SLC25A43: variants seen among roughly 807,000 people sequenced by gnomAD.
SLC25A43 encodes solute carrier family 25 member 43.
In SLC25A43, 10 loss-of-function variants were observed where a neutral mutation model predicts 22.8. The ratio of observed to expected loss-of-function variants is 0.44; its 90% CI spans 0.27 to 0.74. The LOEUF is 0.74. Among genes scored for constraint, SLC25A43 ranks in the 30% least tolerant of loss-of-function variants. SLC25A43 has a pLI of 0.17. For synonymous variants in SLC25A43, 106 were observed against 121.6 expected (o/e 0.87, Z 0.84); for missense variants, 233 against 279.1 (o/e 0.83, Z 1.18).
At chrX:119,419,570 A>G (rs961891004) in intron 3 of SLC25A43, among the ~76,000 whole-genome samples, 1 of 111,204 alleles carries the variant, frequency 9.0e-6, no homozygotes, top group Admixed American at 9.6e-5. Context: ...CCCCTCTTGT[A>G]GTTTTTCATG....
intron 3 of SLC25A43, among the ~76,000 whole-genome samples, chrX:119,425,168 G>T (rs1017617993): frequency 8.9e-6 from 1 of 112,090 alleles, no homozygotes; most frequent in Non-Finnish European, 1.9e-5. Context: ...TTGAGAAGCC[G>T]TAATGAGCAG....
intron 3 of SLC25A43, among the ~76,000 whole-genome samples, chrX:119,443,627 C>T (rs2052641101): frequency 9.0e-6 from 1 of 110,589 alleles, no homozygotes; most frequent in African/African-American, 3.3e-5. Flanking sequence ...ATTTCATGTT[C>T]TGTTTCTCAC....
chrX:119,444,928 A>G (rs984333989), intron 3 of SLC25A43, among the ~76,000 whole-genome samples: 2 of 104,631 alleles, frequency 1.9e-5, no homozygotes. Flanking sequence ...CCAGCTACTC[A>G]GGAGGTTGAG....
intron 3 of SLC25A43, among the ~76,000 whole-genome samples, chrX:119,443,448 CTTTTT>C (rs370848437): frequency 0.036 from 2,588 of 72,576 alleles, 108 homozygotes; most frequent in African/African-American, 0.13. Flanking sequence ...CTCTCTCTCT[CTTTTT>C]TTTTTTTTTT....
At chrX:119,428,952 C>T (rs914540341) in intron 3 of SLC25A43, among the ~76,000 whole-genome samples, 8 of 112,009 alleles carry the variant, frequency 7.1e-5, no homozygotes, top group Non-Finnish European at 1.1e-4. Flanking sequence ...ACCCCTTGTC[C>T]GTGGAAAAAT....
chrX:119,448,242 G>A (rs1341375767), intron 3 of SLC25A43, among the ~76,000 whole-genome samples: 1 of 111,176 alleles, frequency 9.0e-6, no homozygotes, highest in Non-Finnish European at 1.9e-5. Context: ...CCAAGCTACC[G>A]TCATCTCTTG....
At chrX:119,418,488 C>T (rs2052425659) in intron 3 of SLC25A43, among the ~76,000 whole-genome samples, 1 of 111,904 alleles carries the variant, frequency 8.9e-6, no homozygotes, top group Non-Finnish European at 1.9e-5. Flanking sequence ...CACTGACTGG[C>T]CCCTTTGTCT....
At position 119,454,448 on chromosome X, in the gene SLC25A43, T is replaced by C. The variant is rs779929448; in HGVS notation, c.*1383T>C. On this transcript the variant is annotated 3_prime_UTR_variant, in exon 5 of 5. Coordinates refer to ENST00000217909, the MANE Select transcript of SLC25A43 (RefSeq NM_145305.3). ...ATTTTCGGTATGTTGCAAGTATTTT[T>C]TCCGATTAAATTTATTTTCCAAAGA... 1.8e-5 allele frequency: 2 copies of C among 112,800 alleles called. No homozygotes were observed. The highest frequency in any genetic ancestry group is 3.6e-4 in the South Asian group (1 of 2,766). The allele number at this position is 112,800 out of a possible 1,213,427, so 9.3% of individuals were successfully genotyped here. A position where few individuals can be genotyped will look rare whatever the true frequency, so the allele number is the denominator to read the frequency against.
At chrX:119,410,491 C>A in intron 3 of SLC25A43, 129 bp downstream of exon 3, 1 of 680,858 alleles carries the variant, frequency 1.5e-6, no homozygotes, top group East Asian at 3.4e-5. Context: ...CTCATAAATA[C>A]TGTGCAAACC....
intron 1 of SLC25A43, among the ~76,000 whole-genome samples, chrX:119,404,252 C>T (rs1399168512): frequency 2.7e-5 from 3 of 111,045 alleles, no homozygotes; most frequent in Non-Finnish European, 5.7e-5. Flanking sequence ...CTGCCTGCCT[C>T]GGCCTCCCAA....
intron 3 of SLC25A43, among the ~76,000 whole-genome samples, chrX:119,441,671 C>T (rs1049690448): frequency 9.0e-6 from 1 of 111,282 alleles, no homozygotes; most frequent in African/African-American, 3.3e-5. Context: ...CCTGCTCCAC[C>T]GGGCCCAGAT....
chrX:119,443,853 C>A lies in SLC25A43; in HGVS notation c.691-8156C>A, dbSNP rs995903133. On this transcript the variant is annotated intron_variant, in intron 3 of 4. Coordinates refer to ENST00000217909, the MANE Select transcript of SLC25A43 (RefSeq NM_145305.3). ...CTCAACTTCCTGGGCTCGGTCGATC[C>A]TCCTGCCTCAGGATCTACTCCCTCC... 1.1e-4 allele frequency among the ~76,000 whole-genome samples: 12 copies of A among 109,778 alleles called. No individual in the cohort carries two copies. The Admixed American group carries it at 1.2e-3, about 11-fold the overall frequency.
intron 2 of SLC25A43, among the ~76,000 whole-genome samples, chrX:119,406,935 G>A (rs1294673124): frequency 1.8e-5 from 2 of 112,901 alleles, no homozygotes; most frequent in Admixed American, 1.9e-4. Flanking sequence ...AGGTGACTCA[G>A]CAAACTGGTA....
chrX:119,412,102 C>T (rs767716328), intron 3 of SLC25A43, among the ~76,000 whole-genome samples: 1 of 111,096 alleles, frequency 9.0e-6, no homozygotes, highest in Non-Finnish European at 1.9e-5. Context: ...CTCCCGCTTT[C>T]CCTCTGTAGT....
chrX:119,429,761 C>T (rs2052537423), intron 3 of SLC25A43, among the ~76,000 whole-genome samples: 1 of 111,720 alleles, frequency 9.0e-6, no homozygotes, highest in African/African-American at 3.3e-5. Context: ...CAGTAGGCTC[C>T]TGACTTCGTG....
intron 1 of SLC25A43, among the ~76,000 whole-genome samples, chrX:119,405,400 G>A (rs1463330830): frequency 2.7e-5 from 3 of 109,701 alleles, no homozygotes; most frequent in Non-Finnish European, 5.7e-5. Context: ...ATGGGCAACT[G>A]AAAGAACAGG....
intron 3 of SLC25A43, among the ~76,000 whole-genome samples, chrX:119,420,592 G>A (rs760528807): frequency 6.3e-5 from 7 of 111,811 alleles, no homozygotes; most frequent in Non-Finnish European, 1.3e-4. Context: ...ACAGGCATGA[G>A]CCACTGTACT....
At chrX:119,431,525 AAAAG>A (rs1297877181) in intron 3 of SLC25A43, among the ~76,000 whole-genome samples, 4 of 110,294 alleles carry the variant, frequency 3.6e-5, no homozygotes, top group East Asian at 2.8e-4. Flanking sequence ...AGAAAAAAAA[AAAAG>A]AAAAGAAAAG....
chrX:119,451,834 T>C, intron 3 of SLC25A43, 175 bp from the exon 4 acceptor site: 5 of 1,080,375 alleles, frequency 4.6e-6, no homozygotes, highest in Non-Finnish European at 6.0e-6. Context: ...TATTGCACGT[T>C]AATATCTGTT....
Sources: gnomAD v4.1 joint callset for allele counts (sites outside exome capture counted in the v4.1 genomes callset) on GRCh38, gnomAD v4.1.1 for gene constraint, MANE v1.5 for transcripts, NCBI Gene and HGNC (gene_info 2026-07-23, HGNC 2026-07-21) for gene names.